Variants in EEFSEC observed in about 807,000 individuals in gnomAD.
EEFSEC encodes the protein eukaryotic elongation factor, selenocysteine-tRNA specific.
A neutral mutation model predicts 42.1 loss-of-function variants in EEFSEC; 43 were observed. That is an observed-to-expected ratio of 1.02 (90% CI 0.80 to 1.32). The LOEUF (loss-of-function observed/expected upper bound fraction) is 1.32, where lower values mean the gene tolerates loss of function less well. Ranked by LOEUF, EEFSEC falls within the 40% of genes most tolerant of loss-of-function variation. The pLI is 0.00. For missense variants in EEFSEC, 745 were observed against 803.6 expected, an observed-to-expected ratio of 0.93 and a Z score of 0.88; for synonymous variants, 354 against 339.1, an observed-to-expected ratio of 1.04 and a Z score of -0.48.
rs144631847 is a variant in EEFSEC at position 128,200,823 on chromosome 3, G to A, written c.317-46013G>A. 4.6e-5 allele frequency among the ~76,000 whole-genome samples: 7 copies of A among 152,314 alleles called. No individual in the cohort carries two copies. The East Asian group carries it at 1.2e-3, about 25-fold the overall frequency. On this transcript the variant is annotated intron_variant, in intron 1 of 6. Transcript: ENST00000254730. ...TTACACCACCCAGATTGTCTCATTA[G>A]GATGTCTTTTTTTCAGGACATCTGT...
chr3:128,268,018 A>G (rs1426513335), intron 4 of EEFSEC, among the ~76,000 whole-genome samples: 1 of 152,222 alleles, frequency 6.6e-6, no homozygotes, highest in Non-Finnish European at 1.5e-5. Flanking sequence ...CTACAAACAC[A>G]TGTTATCCTT....
chr3:128,402,449 T>C (rs1412184815), intron 6 of EEFSEC, among the ~76,000 whole-genome samples: 1 of 152,164 alleles, frequency 6.6e-6, no homozygotes, highest in Non-Finnish European at 1.5e-5. Context: ...TAGAGGCCCT[T>C]TGTAGTTCTC....
chr3:128,203,135 T>A (rs2065659282), intron 1 of EEFSEC, among the ~76,000 whole-genome samples: 1 of 152,204 alleles, frequency 6.6e-6, no homozygotes, highest in Admixed American at 6.5e-5. Context: ...TTGTAGATAG[T>A]ATAAATGAAT....
chr3:128,406,958 G>A (rs183023118), intron 6 of EEFSEC, among the ~76,000 whole-genome samples: 1 of 140,210 alleles, frequency 7.1e-6, no homozygotes, highest in African/African-American at 2.9e-5. Context: ...CCAGAGAAAG[G>A]GCAGTTGCAG....
intron 4 of EEFSEC, among the ~76,000 whole-genome samples, chr3:128,265,255 C>T (rs2066342375): frequency 6.6e-6 from 1 of 152,156 alleles, no homozygotes; most frequent in Non-Finnish European, 1.5e-5. Flanking sequence ...TTATGATGCT[C>T]AGAATCACAG....
At chr3:128,286,323 G>C (rs1192724749) in intron 4 of EEFSEC, among the ~76,000 whole-genome samples, 5 of 152,214 alleles carry the variant, frequency 3.3e-5, no homozygotes, top group Non-Finnish European at 7.3e-5. Context: ...CTTGCACACA[G>C]AGCTTGATCC....
chr3:128,198,982 C>T (rs1232405858), intron 1 of EEFSEC, among the ~76,000 whole-genome samples: 1 of 152,136 alleles, frequency 6.6e-6, no homozygotes, highest in East Asian at 1.9e-4. Context: ...TAGGCATGCG[C>T]CACCGCACCC....
intron 6 of EEFSEC, among the ~76,000 whole-genome samples, chr3:128,401,013 G>T (rs746143888): frequency 6.6e-6 from 1 of 152,202 alleles, no homozygotes; most frequent in Non-Finnish European, 1.5e-5. Context: ...GGTTCATCAG[G>T]GGGTGGAGCA....
intron 1 of EEFSEC, among the ~76,000 whole-genome samples, chr3:128,243,731 A>G (rs1210511971): frequency 6.6e-6 from 1 of 152,068 alleles, no homozygotes; most frequent in Non-Finnish European, 1.5e-5. Context: ...GCGAGAGTCC[A>G]CCTGGGTCCT....
the EEFSEC span, among the ~76,000 whole-genome samples, chr3:128,423,575 A>T: frequency 6.6e-6 from 1 of 152,252 alleles, no homozygotes; most frequent in Non-Finnish European, 1.5e-5. Context: ...GAAAGAAACC[A>T]ATCGTGAAAG....
chr3:128,286,086 G>A (rs1035205141), intron 4 of EEFSEC, among the ~76,000 whole-genome samples: 3 of 152,230 alleles, frequency 2.0e-5, no homozygotes, highest in Admixed American at 6.5e-5. Context: ...CCTATGCCAA[G>A]CTTGCTCTTC....
At chr3:128,343,262 GGTTTTCTC>G (rs917188383) in intron 5 of EEFSEC, among the ~76,000 whole-genome samples, 5 of 152,152 alleles carry the variant, frequency 3.3e-5, no homozygotes, top group Non-Finnish European at 5.9e-5. Context: ...AAAATCCACT[GGTTTTCTC>G]GTCTGGAATT....
At chr3:128,235,046 TTTAC>T (rs934747537) in intron 1 of EEFSEC, among the ~76,000 whole-genome samples, 10 of 152,156 alleles carry the variant, frequency 6.6e-5, no homozygotes, top group African/African-American at 9.7e-5. Flanking sequence ...AAGCTTTACT[TTTAC>T]TTACTTACTT....
In EEFSEC at chr3:128,249,639, A is replaced by G. The variant is rs1194489577; in HGVS notation, c.524+2596A>G. Among the ~76,000 whole-genome samples the G allele has an allele frequency of 2.0e-5, 3 of 151,984 alleles. 1 individual carries two copies. Among genetic ancestry groups the G allele is most frequent in the Non-Finnish European group, 2.9e-5 (2 of 67,982 alleles). Reference sequence around the variant, plus strand: ...AACCTCTATTCTGCTTCTCATCTCTATGAATTTGCCTGTTCTAGATACCTT... The same window carrying G: ...AACCTCTATTCTGCTTCTCATCTCTGTGAATTTGCCTGTTCTAGATACCTT... On this transcript the variant is annotated intron_variant, in intron 2 of 6. Transcript: ENST00000254730.
intron 1 of EEFSEC, among the ~76,000 whole-genome samples, chr3:128,178,294 A>G (rs144394212): frequency 1.3e-5 from 2 of 152,128 alleles, no homozygotes; most frequent in Non-Finnish European, 1.5e-5. Flanking sequence ...CTTTTTTCTC[A>G]TGAAAATTTC....
At chr3:128,276,308 C>T (rs1017902864) in intron 4 of EEFSEC, among the ~76,000 whole-genome samples, 12 of 152,296 alleles carry the variant, frequency 7.9e-5, no homozygotes, top group African/African-American at 2.9e-4. Flanking sequence ...GAATTCCAGT[C>T]AGCAGGAACC....
chr3:128,197,268 G>A (rs952398094), intron 1 of EEFSEC, among the ~76,000 whole-genome samples: 5 of 152,118 alleles, frequency 3.3e-5, no homozygotes, highest in African/African-American at 1.2e-4. Flanking sequence ...GCGGAAATAC[G>A]CATTTTGTTT....
At chr3:128,350,336 G>A (rs1225205614) in intron 5 of EEFSEC, among the ~76,000 whole-genome samples, 1 of 152,198 alleles carries the variant, frequency 6.6e-6, no homozygotes. Flanking sequence ...TAGCGGGTCA[G>A]CTGCAGGGCC....
At chr3:128,348,043 A>T (rs1167670474) in intron 5 of EEFSEC, among the ~76,000 whole-genome samples, 1 of 152,210 alleles carries the variant, frequency 6.6e-6, no homozygotes, top group Admixed American at 6.5e-5. Flanking sequence ...TAGAACATCT[A>T]CTGTGTGTTG....
Sources: gnomAD v4.1 joint callset for allele counts (sites outside exome capture counted in the v4.1 genomes callset) on GRCh38, gnomAD v4.1.1 for gene constraint, MANE v1.5 for transcripts, NCBI Gene and HGNC (gene_info 2026-07-23, HGNC 2026-07-21) for gene names.